The following ERAP1 variants were observed in gnomAD, a reference collection of about 807,000 sequenced individuals.
The protein encoded by ERAP1 is endoplasmic reticulum aminopeptidase 1.
Under a neutral mutation model 103.7 loss-of-function variants are expected in ERAP1, and 86 were observed. The observed-to-expected ratio is 0.83, with a 90% confidence interval of 0.70 to 0.99. ERAP1 has a LOEUF of 0.99. ERAP1 is among the 50% of genes least tolerant of loss of function. The pLI, the probability that ERAP1 is intolerant of heterozygous loss-of-function variation, is 0.00. For synonymous variants in ERAP1, 398 were observed against 402.4 expected (o/e 0.99, Z 0.13); for missense variants, 1,009 against 1,128.4 (o/e 0.89, Z 1.52).
chr5:96,910,264 C>CA, the ERAP1 span: 83,015 of 134,694 alleles, frequency 0.62, 24,406 homozygotes, highest in South Asian at 0.74. Flanking sequence ...GGCCCTGTCT[C>CA]AAAAAAAAAA....
intron 6 of ERAP1, 137 bp downstream of exon 6, chr5:96,793,666 A>T (rs1776985181): frequency 9.0e-7 from 1 of 1,114,034 alleles, no homozygotes; most frequent in South Asian, 1.5e-5. Context: ...TATAAGACAT[A>T]AAAACGAATG....
At chr5:96,922,581 T>C in the ERAP1 span, among the ~76,000 whole-genome samples, 1,404 of 152,226 alleles carry the variant, frequency 9.2e-3, 24 homozygotes, top group African/African-American at 0.032. Context: ...GGCAAACAGG[T>C]AGAGAGACTT....
the ERAP1 span, among the ~76,000 whole-genome samples, chr5:96,859,060 TACACACACACACAC>T: frequency 8.4e-4 from 121 of 144,820 alleles, 1 homozygote; most frequent in Middle Eastern, 3.5e-3. Flanking sequence ...GCCACATGCA[TACACACACACACAC>T]ACACACACAC....
chr5:96,770,849 G>T (rs192662018), downstream of ERAP1, among the ~76,000 whole-genome samples: 1 of 152,150 alleles, frequency 6.6e-6, no homozygotes, highest in African/African-American at 2.4e-5. Flanking sequence ...TGTTTTGCCT[G>T]TCTTTCTTGC....
the ERAP1 span, chr5:96,886,672 T>C: frequency 6.5e-7 from 1 of 1,542,110 alleles, no homozygotes; most frequent in Non-Finnish European, 8.8e-7. Flanking sequence ...CAATTGAACT[T>C]GAAGGAGGTC....
chr5:96,900,246 G>A, the ERAP1 span: 1 of 1,608,850 alleles, frequency 6.2e-7, no homozygotes, highest in Non-Finnish European at 8.5e-7. Flanking sequence ...CTGACCTAGA[G>A]TGAGTATGAC....
chr5:96,821,704 A>G, the ERAP1 span, among the ~76,000 whole-genome samples: 1 of 152,350 alleles, frequency 6.6e-6, no homozygotes, highest in South Asian at 2.1e-4. Flanking sequence ...TGAGGCTGGT[A>G]AAAGCCTGAC....
rs1326105900 is a variant in ERAP1 at position 96,783,186 on chromosome 5, G to T, written c.2150C>A (p.Thr717Lys). The T allele has an allele frequency of 1.2e-6, 2 of 1,613,798 alleles. No homozygotes were observed. The highest frequency in any genetic ancestry group is 1.7e-5 in the Admixed American group (1 of 60,024). The change falls in exon 15 of 19, where the codon ACA (threonine) becomes AAA (lysine). Residue 717 changes from threonine to lysine, a missense_variant. Transcript: ENST00000443439. ...LRDLIDKQTWTDEGSVSERML... is the reference protein window; with the variant it reads ...LRDLIDKQTWKDEGSVSERML... The stretch of plus-strand genomic sequence containing the variant: ...TCGCTCTGAGACTGAGCCCTCGTCT[G>T]TCCATGTCTGCTTATCAATGAGGTC...
chr5:96,792,344 G>T (rs1776824579), intron 7 of ERAP1, 152 bp from the exon 8 acceptor site: 1 of 676,230 alleles, frequency 1.5e-6, no homozygotes, highest in African/African-American at 1.8e-5. Context: ...AAACAAAATA[G>T]AATTAATATA....
At chr5:96,882,262 C>A in the ERAP1 span, among the ~76,000 whole-genome samples, 1 of 152,126 alleles carries the variant, frequency 6.6e-6, no homozygotes, top group African/African-American at 2.4e-5. Context: ...GCCGAAGGCC[C>A]CATCCAAAGG....
chr5:96,920,032 C>T, the ERAP1 span, among the ~76,000 whole-genome samples: 1 of 152,202 alleles, frequency 6.6e-6, no homozygotes, highest in African/African-American at 2.4e-5. Context: ...GTCTAACTAG[C>T]CAAGTGTGGC....
At chr5:96,824,846 C>A in the ERAP1 span, among the ~76,000 whole-genome samples, 5 of 152,108 alleles carry the variant, frequency 3.3e-5, no homozygotes, top group Non-Finnish European at 7.4e-5. Context: ...CCCTGGAGTT[C>A]GAGACCAGCC....
At chr5:96,839,152 C>T in the ERAP1 span, among the ~76,000 whole-genome samples, 1 of 152,226 alleles carries the variant, frequency 6.6e-6, no homozygotes, top group East Asian at 1.9e-4. Flanking sequence ...ATCCCAAACT[C>T]GAAGCTTCTG....
chr5:96,762,299 C>T lies in ERAP1; in HGVS notation c.*901G>A, dbSNP rs4948. ...AAATTTGAAGATGCTAAACTTGCTG[C>T]TGCCATCTCTGAAGTGGTTTCCCAA... On this transcript the variant is annotated 3_prime_UTR_variant, in exon 20 of 20. Transcript: ENST00000296754. The T allele has an allele frequency of 2.1e-3, 3,316 of 1,607,794 alleles. 67 individuals are homozygous for T. In the African/African-American group the frequency reaches 0.039, roughly 19 times the overall value.
upstream of ERAP1, among the ~76,000 whole-genome samples, chr5:96,808,425 G>A (rs1778942100): frequency 6.6e-6 from 1 of 151,900 alleles, no homozygotes. Flanking sequence ...GGACTCGCTG[G>A]GTGTCCGTCA....
chr5:96,903,604 G>A, the ERAP1 span: 47 of 1,514,138 alleles, frequency 3.1e-5, no homozygotes, highest in African/African-American at 2.1e-4. Flanking sequence ...TAACTGATTC[G>A]TAACCAGATA....
intron 19 of ERAP1, among the ~76,000 whole-genome samples, chr5:96,765,664 C>G (rs1025011832): frequency 6.6e-6 from 1 of 152,060 alleles, no homozygotes; most frequent in East Asian, 1.9e-4. Context: ...GTAAATGTGA[C>G]CTCTCTAAAT....
At chr5:96,777,100 C>A (rs1488484179) in intron 18 of ERAP1, 2 of 152,520 alleles carry the variant, frequency 1.3e-5, no homozygotes, top group Non-Finnish European at 2.9e-5. Context: ...ATTGTTGTCT[C>A]AAGATAAAAT....
the ERAP1 span, among the ~76,000 whole-genome samples, chr5:96,933,303 C>T: frequency 1.3e-5 from 2 of 149,346 alleles, no homozygotes; most frequent in Non-Finnish European, 1.5e-5. Context: ...TCACAACCTC[C>T]GCCTCCCGGG....
Sources: allele counts gnomAD v4.1 joint callset (sites outside exome capture counted in the v4.1 genomes callset), GRCh38; gene constraint gnomAD v4.1.1; transcripts MANE v1.5; gene names NCBI Gene and HGNC (gene_info 2026-07-23, HGNC 2026-07-21).